Variants in RFX3 observed in about 807,000 individuals in gnomAD.
The protein encoded by RFX3 is regulatory factor X3.
A neutral mutation model predicts 98.6 loss-of-function variants in RFX3; 14 were observed. That is an observed-to-expected ratio of 0.14 (90% confidence interval 0.09 to 0.22). The LOEUF (loss-of-function observed/expected upper bound fraction) is 0.22. Ranked by LOEUF, RFX3 falls within the 10% of genes least tolerant of loss-of-function variation. RFX3 has a pLI of 1.00. For missense variants in RFX3, 639 were observed against 926.9 expected, an observed-to-expected ratio of 0.69 and a Z score of 4.03; for synonymous variants, 383 against 328.4, an observed-to-expected ratio of 1.17 and a Z score of -1.80.
At chr9:3,460,667 C>A (rs2133050764) in intron 1 of RFX3, among the ~76,000 whole-genome samples, 1 of 152,058 alleles carries the variant, frequency 6.6e-6, no homozygotes, top group South Asian at 2.1e-4. Flanking sequence ...ATTTCATAGA[C>A]TCTCAGAGCT....
At chr9:3,361,893 G>C (rs922239655) in intron 2 of RFX3, among the ~76,000 whole-genome samples, 1 of 152,082 alleles carries the variant, frequency 6.6e-6, no homozygotes. Context: ...ACTGCAGTGA[G>C]CCATGATTGT....
chr9:3,228,191 G>T (rs1023958499), intron 16 of RFX3, among the ~76,000 whole-genome samples: 1 of 152,120 alleles, frequency 6.6e-6, no homozygotes, highest in African/African-American at 2.4e-5. Flanking sequence ...TGCTTATAAA[G>T]GTGGGTAAGA....
At position 3,310,478 on chromosome 9, in the gene RFX3, T is replaced by C. The variant is rs181416584; in HGVS notation, c.475-8858A>G. Among the ~76,000 whole-genome samples, 253 of 152,332 alleles carry C rather than the reference T, an allele frequency of 1.7e-3. 2 individuals carry two copies. Among genetic ancestry groups the C allele is most frequent in the Non-Finnish European group, 6.9e-4 (47 of 68,028 alleles). On this transcript the variant is annotated intron_variant, in intron 4 of 16. Coordinates refer to ENST00000617270, the MANE Select transcript of RFX3 (RefSeq NM_001282116.2). ...TTTGTTAAAAGAGTAAAGGTCAATA[T>C]TGATATATTCAACTATCACTGTAAT...
chr9:3,490,302 C>T (rs564447634), intron 1 of RFX3: 2 of 983,636 alleles, frequency 2.0e-6, no homozygotes, highest in South Asian at 4.7e-5. Context: ...CAGAGCCAAA[C>T]TCAACGTATT....
intron 7 of RFX3, among the ~76,000 whole-genome samples, chr9:3,277,880 T>C (rs886699309): frequency 2.5e-4 from 38 of 151,970 alleles, no homozygotes; most frequent in African/African-American, 8.0e-4. Context: ...TGGCTTTCAA[T>C]TAGTTAATAT....
chr9:3,245,485 T>C (rs1820540370), intron 15 of RFX3, among the ~76,000 whole-genome samples: 1 of 152,154 alleles, frequency 6.6e-6, no homozygotes, highest in Non-Finnish European at 1.5e-5. Context: ...AAGTGGGGGA[T>C]GACACAGTCA....
At chr9:3,422,735 G>T (rs941755597) in intron 1 of RFX3, among the ~76,000 whole-genome samples, 6 of 152,106 alleles carry the variant, frequency 3.9e-5, no homozygotes, top group Admixed American at 3.9e-4. Context: ...TTCAAAAAAT[G>T]TGCACTGACT....
At position 3,220,131 on chromosome 9, in the gene RFX3, T is replaced by C. The variant is rs1169728130; in HGVS notation, c.*4911A>G. ...ATCTATATATAATTTTTTGACAACG[T>C]ATTAAAGTTTTGGAGCATAGATAAA... On this transcript the variant is annotated 3_prime_UTR_variant, in exon 17 of 17. Transcript: ENST00000617270. 1 of 152,164 alleles carries C rather than the reference T, an allele frequency of 6.6e-6. No individual in the cohort carries two copies. Among genetic ancestry groups the C allele is most frequent in the East Asian group, 1.9e-4 (1 of 5,192 alleles). The allele number at this position is 152,164 out of a possible 1,614,324, so 9.4% of individuals were successfully genotyped here.
At chr9:3,228,987 A>C (rs1818128455) in intron 15 of RFX3, 98 bp from the exon 16 acceptor site, 1 of 953,288 alleles carries the variant, frequency 1.0e-6, no homozygotes, top group African/African-American at 1.7e-5. Flanking sequence ...TGACTCTTTA[A>C]AACTGTAAAC....
intron 2 of RFX3, among the ~76,000 whole-genome samples, chr9:3,348,313 G>A (rs918361706): frequency 1.3e-5 from 2 of 152,024 alleles, no homozygotes; most frequent in Admixed American, 6.6e-5. Flanking sequence ...TACCATATCA[G>A]TTGACATATA....
chr9:3,500,087 C>A (rs1210190436), intron 1 of RFX3, among the ~76,000 whole-genome samples: 1 of 151,994 alleles, frequency 6.6e-6, no homozygotes, highest in African/African-American at 2.4e-5. Context: ...TACCCCAGAG[C>A]AACAAACAGA....
At position 3,218,938 on chromosome 9, in the gene RFX3, A is replaced by G. The variant is rs1033257031; in HGVS notation, c.*6104T>C. 1 of 152,170 alleles carries G rather than the reference A, an allele frequency of 6.6e-6. No individual in the cohort carries two copies. Among genetic ancestry groups the G allele is most frequent in the Non-Finnish European group, 1.5e-5 (1 of 68,008 alleles). The allele number at this position is 152,170 out of a possible 1,614,324, so 9.4% of individuals were successfully genotyped here. ...AAATACAGTATCTTAAAAAAACACA[A>G]TGAAAGAAGTTTTACCTAGAAGGTA... On this transcript the variant is annotated 3_prime_UTR_variant, in exon 17 of 17. Coordinates refer to ENST00000617270, the MANE Select transcript of RFX3 (RefSeq NM_001282116.2).
intron 1 of RFX3, among the ~76,000 whole-genome samples, chr9:3,427,313 TA>T (rs1844163975): frequency 3.6e-5 from 5 of 139,272 alleles, no homozygotes; most frequent in Non-Finnish European, 6.1e-5. Flanking sequence ...TTGTATTACA[TA>T]ATAATACAAT....
intron 1 of RFX3, among the ~76,000 whole-genome samples, chr9:3,517,578 A>G (rs879165786): frequency 6.6e-6 from 1 of 152,222 alleles, no homozygotes; most frequent in Admixed American, 6.5e-5. Flanking sequence ...AAGCAGTACT[A>G]GCTGGGTATT....
At chr9:3,413,807 T>C (rs1342514526) in intron 1 of RFX3, among the ~76,000 whole-genome samples, 2 of 152,092 alleles carry the variant, frequency 1.3e-5, no homozygotes, top group African/African-American at 2.4e-5. Context: ...CCTTTATGCT[T>C]TTTTGAATAA....
rs562690957 is a variant in RFX3, at chr9:3,400,494, T to C, written c.-8-4898A>G. 4.6e-5 allele frequency among the ~76,000 whole-genome samples: 7 copies of C among 152,300 alleles called. No individual in the cohort carries two copies. In the South Asian group the frequency reaches 1.5e-3, roughly 32 times the overall value. On this transcript the variant is annotated intron_variant, in intron 1 of 16. Coordinates refer to ENST00000617270, the MANE Select transcript of RFX3 (RefSeq NM_001282116.2). ...AGTATATGTTCTGTTTATTCCCAAA[T>C]TACTGCTCATAGGTCTGATCTACTT...
In RFX3 at chr9:3,343,807, G is replaced by C. The variant is rs1241903015; in HGVS notation, c.215+2860C>G. Among the ~76,000 whole-genome samples the C allele has an allele frequency of 3.3e-5, 5 of 152,126 alleles. 1 individual carries two copies. In the East Asian group the frequency reaches 9.6e-4, roughly 29 times the overall value. ...TTGTGACATTATTGGCTAGAGTTGA[G>C]GATACAATTTGAGTCCACACAGACC... On this transcript the variant is annotated intron_variant, in intron 3 of 16. Transcript: ENST00000617270.
At chr9:3,245,515 C>T (rs1820544513) in intron 15 of RFX3, among the ~76,000 whole-genome samples, 1 of 152,056 alleles carries the variant, frequency 6.6e-6, no homozygotes. Flanking sequence ...TTTCACAAGA[C>T]GATACTGACT....
chr9:3,246,031 A>G (rs141277997), intron 15 of RFX3, among the ~76,000 whole-genome samples: 4 of 152,300 alleles, frequency 2.6e-5, no homozygotes, highest in African/African-American at 9.6e-5. Flanking sequence ...ACCATGGCCA[A>G]TAGATCTATG....
Sources: allele counts gnomAD v4.1 joint callset (sites outside exome capture counted in the v4.1 genomes callset), GRCh38; gene constraint gnomAD v4.1.1; transcripts MANE v1.5; gene names NCBI Gene and HGNC (gene_info 2026-07-23, HGNC 2026-07-21).